RGS6: variants seen among roughly 807,000 people sequenced by gnomAD.
RGS6 encodes regulator of G-protein signaling 6.
A neutral mutation model predicts 78.5 loss-of-function variants in RGS6; 30 were observed. That is an observed-to-expected ratio of 0.38 (90% CI 0.29 to 0.52). RGS6 has a LOEUF of 0.52. Among genes scored for constraint, RGS6 ranks in the 20% least tolerant of loss-of-function variants. The probability of loss-of-function intolerance (pLI) is 0.85; values close to 1 mark genes in which losing one functional copy is unlikely to be tolerated. For missense variants in RGS6, 495 were observed against 609.7 expected, an observed-to-expected ratio of 0.81 and a Z score of 1.98; for synonymous variants, 206 against 206.0, an observed-to-expected ratio of 1.00 and a Z score of 0.00.
intron 2 of RGS6, among the ~76,000 whole-genome samples, chr14:72,054,126 C>G (rs78814576): frequency 0.14 from 20,807 of 152,078 alleles, 1,666 homozygotes; most frequent in Non-Finnish European, 0.18. Context: ...ACTGATACAC[C>G]CATCATACTG....
intron 17 of RGS6, chr14:72,541,710 A>C (rs2097330196): frequency 7.2e-7 from 1 of 1,392,190 alleles, no homozygotes; most frequent in African/African-American, 1.4e-5. Flanking sequence ...CTGACAAGCC[A>C]AGGGTGCCTG....
intron 2 of RGS6, among the ~76,000 whole-genome samples, chr14:72,255,616 T>C (rs2056910299): frequency 6.6e-6 from 1 of 152,220 alleles, no homozygotes; most frequent in African/African-American, 2.4e-5. Context: ...TCAGGCAGGC[T>C]TAAAATGTGG....
chr14:72,391,601 A>G (rs1369974262), intron 3 of RGS6, among the ~76,000 whole-genome samples: 2 of 152,106 alleles, frequency 1.3e-5, no homozygotes, highest in African/African-American at 2.4e-5. Flanking sequence ...TGTTACATAT[A>G]TGTATATACA....
intron 2 of RGS6, among the ~76,000 whole-genome samples, chr14:72,147,003 T>A (rs2096615136): frequency 6.6e-6 from 1 of 152,216 alleles, no homozygotes; most frequent in African/African-American, 2.4e-5. Context: ...TACTCCAGTT[T>A]CCAATACACT....
the RGS6 span, among the ~76,000 whole-genome samples, chr14:71,903,344 G>T: frequency 2.0e-5 from 3 of 152,196 alleles, no homozygotes; most frequent in Non-Finnish European, 4.4e-5. Context: ...TCTGCACATG[G>T]TAAGTGTTTG....
chr14:72,173,346 A>G (rs1047916824), intron 2 of RGS6, among the ~76,000 whole-genome samples: 1 of 152,184 alleles, frequency 6.6e-6, no homozygotes. Context: ...CCAGGGGTTC[A>G]GTAGACTTTC....
At chr14:72,253,931 C>T (rs886067145) in intron 2 of RGS6, among the ~76,000 whole-genome samples, 1 of 152,224 alleles carries the variant, frequency 6.6e-6, no homozygotes, top group Non-Finnish European at 1.5e-5. Context: ...CGGGGCACCA[C>T]CTCTGCTCAC....
intron 2 of RGS6, among the ~76,000 whole-genome samples, chr14:72,242,282 T>C (rs2053067184): frequency 6.6e-6 from 1 of 152,106 alleles, no homozygotes; most frequent in Non-Finnish European, 1.5e-5. Context: ...TCAGTGATAA[T>C]GGGAATAGGA....
chr14:72,036,369 C>T (rs530529278), intron 2 of RGS6, among the ~76,000 whole-genome samples: 5 of 151,794 alleles, frequency 3.3e-5, no homozygotes, highest in Non-Finnish European at 5.9e-5. Context: ...CATTCTTATA[C>T]AGGTTTTGGG....
At chr14:72,118,501 A>G (rs897432569) in intron 2 of RGS6, among the ~76,000 whole-genome samples, 13 of 152,184 alleles carry the variant, frequency 8.5e-5, no homozygotes, top group Non-Finnish European at 1.6e-4. Context: ...TTACTTTCAT[A>G]TTGGATACCA....
At chr14:72,244,084 C>T (rs924752148) in intron 2 of RGS6, among the ~76,000 whole-genome samples, 8 of 152,074 alleles carry the variant, frequency 5.3e-5, no homozygotes, top group Non-Finnish European at 1.0e-4. Context: ...GCTAAACATA[C>T]GGAGTCAACC....
intron 2 of RGS6, among the ~76,000 whole-genome samples, chr14:72,195,069 G>A (rs1051961777): frequency 2.0e-5 from 3 of 152,086 alleles, no homozygotes; most frequent in African/African-American, 7.2e-5. Flanking sequence ...TTAGCTAGGT[G>A]TGGTGACACA....
At chr14:72,232,073 C>T (rs2049778543) in intron 2 of RGS6, among the ~76,000 whole-genome samples, 1 of 152,198 alleles carries the variant, frequency 6.6e-6, no homozygotes, top group African/African-American at 2.4e-5. Flanking sequence ...GAAACTGTTA[C>T]CGTAATCCAG....
chr14:72,540,250 T>A, intron 17 of RGS6, 156 bp downstream of exon 17: 1 of 1,541,078 alleles, frequency 6.5e-7, no homozygotes, highest in Non-Finnish European at 8.6e-7. Context: ...CTTTTGCGAG[T>A]GTCTGCAGCT....
At chr14:72,426,096 T>A (rs1057216949) in intron 3 of RGS6, among the ~76,000 whole-genome samples, 1 of 152,164 alleles carries the variant, frequency 6.6e-6, no homozygotes, top group African/African-American at 2.4e-5. Context: ...AATTATAATA[T>A]TTATGTTAAT....
At chr14:72,030,512 G>A (rs1382872586) in intron 2 of RGS6, among the ~76,000 whole-genome samples, 3 of 152,176 alleles carry the variant, frequency 2.0e-5, no homozygotes, top group Non-Finnish European at 2.9e-5. Flanking sequence ...GCCTTATGTT[G>A]TAAGTATTCA....
chr14:72,041,773 A>G (rs1174372807), intron 2 of RGS6, among the ~76,000 whole-genome samples: 4 of 152,070 alleles, frequency 2.6e-5, no homozygotes, highest in African/African-American at 4.8e-5. Context: ...TTTGTACAAT[A>G]TATTGTTGGT....
At chr14:72,105,162 G>A (rs1342087925) in intron 2 of RGS6, among the ~76,000 whole-genome samples, 3 of 152,172 alleles carry the variant, frequency 2.0e-5, no homozygotes, top group Non-Finnish European at 2.9e-5. Context: ...AATGATGATT[G>A]TACAAAGACC....
intron 2 of RGS6, among the ~76,000 whole-genome samples, chr14:72,238,522 T>G (rs977820989): frequency 6.6e-6 from 1 of 152,206 alleles, no homozygotes; most frequent in Admixed American, 6.5e-5. Flanking sequence ...TTGAGAGTTT[T>G]GGGTTTGTAC....
Sources: allele counts gnomAD v4.1 joint callset (sites outside exome capture counted in the v4.1 genomes callset), GRCh38; gene constraint gnomAD v4.1.1; transcripts MANE v1.5; gene names NCBI Gene and HGNC (gene_info 2026-07-23, HGNC 2026-07-21).